AK9: variants seen among roughly 807,000 people sequenced by gnomAD.
AK9 encodes the protein adenylate kinase 9, also known as adenylate kinase domain containing 1.
A neutral mutation model predicts 239.6 loss-of-function variants in AK9; 191 were observed. That is an observed-to-expected ratio of 0.80 (90% CI 0.71 to 0.90). The LOEUF is 0.90. Ranked by LOEUF, AK9 falls within the 40% of genes least tolerant of loss-of-function variation. The pLI, the probability that AK9 is intolerant of heterozygous loss-of-function variation, is 0.00. For missense variants in AK9, 1,995 were observed against 2,214.7 expected, an observed-to-expected ratio of 0.90 and a Z score of 1.99; for synonymous variants, 689 against 721.0, an observed-to-expected ratio of 0.96 and a Z score of 0.71.
At chr6:109,516,988 C>T (rs1342973447) in intron 29 of AK9, among the ~76,000 whole-genome samples, 4 of 151,922 alleles carry the variant, frequency 2.6e-5, no homozygotes, top group Non-Finnish European at 4.4e-5. Context: ...GCAACTTCTG[C>T]GTTCCTTCAT....
Position 109,514,453 on chromosome 6 carries a change from A to G in AK9, c.4066-16T>C. 2 of 1,501,770 alleles carry G rather than the reference A, an allele frequency of 1.3e-6. No homozygotes were observed. Among genetic ancestry groups the G allele is most frequent in the Non-Finnish European group, 8.9e-7 (1 of 1,120,916 alleles). The allele number at this position is 1,501,770 out of a possible 1,614,324, so 93.0% of individuals were successfully genotyped here. ...CTTCACTTAGCTGCAACATATACACAGTTGAATTTGAAAGTTAGTTTGAAT... is the reference window on the plus strand; with the variant it reads ...CTTCACTTAGCTGCAACATATACACGGTTGAATTTGAAAGTTAGTTTGAAT... On this transcript the variant is annotated splice_polypyrimidine_tract_variant and intron_variant, in intron 31 of 40. Coordinates refer to ENST00000424296, the MANE Select transcript of AK9 (RefSeq NM_001145128.3).
At chr6:109,533,521 A>G (rs1285520081) in intron 27 of AK9, 51 bp from the exon 28 acceptor site, 1 of 1,424,792 alleles carries the variant, frequency 7.0e-7, no homozygotes, top group East Asian at 2.3e-5. Context: ...GTTGTAATGG[A>G]TGTGTTCATT....
intron 17 of AK9, among the ~76,000 whole-genome samples, chr6:109,609,280 C>T (rs1325231657): frequency 1.3e-5 from 2 of 152,192 alleles, no homozygotes; most frequent in Non-Finnish European, 2.9e-5. Flanking sequence ...GGGATGATTT[C>T]TCTTACCTCC....
intron 24 of AK9, among the ~76,000 whole-genome samples, chr6:109,551,225 A>G (rs964138198): frequency 2.0e-5 from 3 of 152,122 alleles, no homozygotes; most frequent in African/African-American, 7.2e-5. Flanking sequence ...ATATCAGAAT[A>G]TGCAAACCTT....
intron 2 of AK9, 106 bp downstream of exon 2, chr6:109,675,515 ATCAGACAC>A: frequency 1.6e-6 from 1 of 632,774 alleles, no homozygotes; most frequent in Non-Finnish European, 2.6e-6. Context: ...ATAAAAGCTT[ATCAGACAC>A]TCAAAAAATG....
At chr6:109,621,902 A>ACAAAAAAAAAC (rs1562506310) in intron 12 of AK9, among the ~76,000 whole-genome samples, 4 of 98,486 alleles carry the variant, frequency 4.1e-5, no homozygotes, top group African/African-American at 1.4e-4. Flanking sequence ...TTAAAAAAAA[A>ACAAAAAAAAAC]AAAAAAAAAA....
At chr6:109,672,059 T>C (rs879505487) in intron 4 of AK9, 44 bp from the exon 5 acceptor site, 7 of 1,612,178 alleles carry the variant, frequency 4.3e-6, no homozygotes, top group Non-Finnish European at 5.9e-6. Flanking sequence ...ATAATATATC[T>C]ATGATACAGA....
intron 8 of AK9, among the ~76,000 whole-genome samples, chr6:109,656,112 C>T (rs974453377): frequency 4.6e-5 from 7 of 152,134 alleles, no homozygotes; most frequent in East Asian, 1.9e-4. Flanking sequence ...TGGCTAAATG[C>T]GCAAGTTCAA....
intron 40 of AK9, 116 bp downstream of exon 40, chr6:109,493,865 C>T: frequency 2.5e-6 from 2 of 787,184 alleles, no homozygotes; most frequent in Non-Finnish European, 4.1e-6. Context: ...TTGCTACTAA[C>T]ACTCTCTCTT....
intron 25 of AK9, chr6:109,549,786 C>T (rs1784122353): frequency 5.7e-6 from 1 of 174,462 alleles, no homozygotes; most frequent in African/African-American, 2.4e-5. Flanking sequence ...CTGCCTCAGC[C>T]TCCCAAGTAG....
intron 33 of AK9, among the ~76,000 whole-genome samples, chr6:109,508,103 T>G (rs1165049171): frequency 1.3e-5 from 2 of 152,222 alleles, no homozygotes; most frequent in East Asian, 3.8e-4. Flanking sequence ...CTTAAACTCC[T>G]TTGAATTTAA....
intron 20 of AK9, 164 bp downstream of exon 20, chr6:109,579,386 G>T: frequency 1.7e-6 from 1 of 596,602 alleles, no homozygotes; most frequent in Non-Finnish European, 2.9e-6. Context: ...AACACTTTAA[G>T]AATAAAAGGT....
At chr6:109,678,968 A>C (rs1298534149) in intron 1 of AK9, among the ~76,000 whole-genome samples, 1 of 152,222 alleles carries the variant, frequency 6.6e-6, no homozygotes, top group Non-Finnish European at 1.5e-5. Context: ...CCCGCAGACC[A>C]GGAGATTCCC....
intron 8 of AK9, among the ~76,000 whole-genome samples, chr6:109,655,873 G>C (rs942694731): frequency 3.3e-5 from 5 of 152,206 alleles, no homozygotes; most frequent in Admixed American, 3.3e-4. Context: ...CCAGTGACAG[G>C]AGAGGTGGGG....
At chr6:109,528,646 G>C (rs1339150012) in intron 29 of AK9, 2 of 463,618 alleles carry the variant, frequency 4.3e-6, no homozygotes, top group Non-Finnish European at 8.6e-6. Flanking sequence ...AATATCAGCA[G>C]TCCTCTGTAC....
At chr6:109,636,485 AACC>A (rs1186295421) in intron 10 of AK9, among the ~76,000 whole-genome samples, 2 of 151,870 alleles carry the variant, frequency 1.3e-5, no homozygotes, top group Non-Finnish European at 2.9e-5. Context: ...TGTGTTGTGC[AACC>A]ACCACCTCTA....
rs1245517897 is a variant in AK9, at chr6:109,497,515, A to C, written c.5265T>G (p.His1755Gln). Reference sequence around the variant, plus strand: ...TGTTCTCACAAATATATATACGATTATGATATTCTAAAGCATAGTTAATGC... The same window carrying C: ...TGTTCTCACAAATATATATACGATTCTGATATTCTAAAGCATAGTTAATGC... ...PGSINYALEY[H>Q]NRIYICENKE... The change falls in exon 38 of 41, where the codon CAT becomes CAG. Residue 1755 changes from histidine (H) to glutamine (Q), a missense_variant. His to Gln is a conservative substitution (Grantham distance 24). Transcript: ENST00000424296. 1.2e-6 allele frequency: 2 copies of C among 1,610,354 alleles called. No individual in the cohort carries two copies. The highest frequency in any genetic ancestry group is 2.2e-5 in the South Asian group (2 of 90,894).
In AK9 at chr6:109,684,064, G is replaced by A. The variant is rs181391624; in HGVS notation, c.-12+7083C>T. ...ACCAAAACAGATACATAGACCAATG[G>A]AACAGAACAGAGGCCTCAGAAATAA... On this transcript the variant is annotated intron_variant, in intron 1 of 40. Transcript: ENST00000424296. Among the ~76,000 whole-genome samples, 301 of 152,244 alleles carry A rather than the reference G, an allele frequency of 2.0e-3. 1 individual carries two copies. The highest frequency in any genetic ancestry group is 1.5e-3 in the Non-Finnish European group (103 of 68,022).
chr6:109,510,132 G>A (rs568961417), intron 32 of AK9, among the ~76,000 whole-genome samples: 6 of 151,966 alleles, frequency 3.9e-5, no homozygotes, highest in South Asian at 2.1e-4. Flanking sequence ...CTGGGATGCC[G>A]GTCTGTGGAC....
Sources: gnomAD v4.1 joint callset for allele counts (sites outside exome capture counted in the v4.1 genomes callset) on GRCh38, gnomAD v4.1.1 for gene constraint, MANE v1.5 for transcripts, NCBI Gene and HGNC (gene_info 2026-07-23, HGNC 2026-07-21) for gene names.